Variants in GIMAP8 observed in about 807,000 individuals in gnomAD.
The protein encoded by GIMAP8 is GTPase IMAP family member 8.
GIMAP8 carries 29 observed loss-of-function variants against 35.6 expected under a neutral mutation model. The observed-to-expected ratio is 0.81, with a 90% CI of 0.61 to 1.11. GIMAP8 has a LOEUF of 1.11. Among genes scored for constraint, GIMAP8 ranks in the 50% most tolerant of loss-of-function variants. The pLI, the probability that GIMAP8 is intolerant of heterozygous loss-of-function variation, is 0.00. For synonymous variants in GIMAP8, 335 were observed against 308.7 expected, an observed-to-expected ratio of 1.09 and a Z score of -0.89; for missense variants, 811 against 805.0, an observed-to-expected ratio of 1.01 and a Z score of -0.09.
intron 2 of GIMAP8, among the ~76,000 whole-genome samples, chr7:150,468,520 A>C (rs1452035234): frequency 2.6e-5 from 4 of 152,200 alleles, no homozygotes; most frequent in Non-Finnish European, 4.4e-5. Flanking sequence ...GCATGTCCGT[A>C]CTATGGAATA....
chr7:150,463,655 T>C (rs1050405520), intron 1 of GIMAP8, among the ~76,000 whole-genome samples: 2 of 152,216 alleles, frequency 1.3e-5, no homozygotes, highest in Admixed American at 1.3e-4. Context: ...CCTGTGGTTG[T>C]TAGTGAAGGC....
chr7:150,477,353 G>A lies in GIMAP8; in HGVS notation c.1571G>A (p.Gly524Glu), dbSNP rs1167084772. ...VKRCLSCCEKGDTFFVLVFQL... is the reference protein window; with the variant it reads ...VKRCLSCCEKEDTFFVLVFQL... ...CGCTGTTTGTCCTGCTGTGAAAAAG[G>A]GGACACATTTTTTGTCCTGGTGTTC... Residue 524 changes from glycine to glutamate, a missense_variant, in exon 5 of 5, where the codon GGG becomes GAG. Physicochemically the swap from Gly to Glu is moderately conservative, Grantham distance 98. Coordinates refer to ENST00000307271, the MANE Select transcript of GIMAP8 (RefSeq NM_175571.4). The A allele has an allele frequency of 1.2e-6, 2 of 1,614,188 alleles. No individual in the cohort carries two copies. Among genetic ancestry groups the A allele is most frequent in the Admixed American group, 3.3e-5 (2 of 60,028 alleles).
At chr7:150,452,908 C>T (rs528296636) in intron 1 of GIMAP8, among the ~76,000 whole-genome samples, 62 of 150,988 alleles carry the variant, frequency 4.1e-4, no homozygotes, top group African/African-American at 1.5e-3. Context: ...TTCTAAAAAC[C>T]GTTTTTCTTC....
chr7:150,456,726 G>A (rs560275995), intron 1 of GIMAP8, among the ~76,000 whole-genome samples: 7 of 152,346 alleles, frequency 4.6e-5, no homozygotes, highest in Admixed American at 2.0e-4. Flanking sequence ...TATAGTGGGC[G>A]ATGTGTAAAA....
chr7:150,471,711 C>A (rs1563286361), intron 3 of GIMAP8, among the ~76,000 whole-genome samples: 1 of 151,996 alleles, frequency 6.6e-6, no homozygotes, highest in Non-Finnish European at 1.5e-5. Context: ...GTAGTGCGTG[C>A]CTGTCGTCTC....
chr7:150,474,358 G>A lies in GIMAP8; in HGVS notation c.1029G>A (p.Val343=), dbSNP rs758857861. 1.2e-6 allele frequency: 2 copies of A among 1,614,218 alleles called. No homozygotes were observed. The highest frequency in any genetic ancestry group is 1.7e-6 in the Non-Finnish European group (2 of 1,180,034). ...TTTACACTAAGAATGATGAGGCAGT[G>A]CTGAGCACCATCCAAAACAATTTTG... is the stretch of plus-strand genomic sequence containing the variant. ...LGFYTKNDEA[V]LSTIQNNFGE... Residue 343 remains valine, a synonymous_variant, in exon 4 of 5, where the codon GTG becomes GTA. Transcript: ENST00000307271.
intron 1 of GIMAP8, among the ~76,000 whole-genome samples, chr7:150,452,316 T>C (rs1006499619): frequency 1.1e-3 from 163 of 146,780 alleles, no homozygotes; most frequent in African/African-American, 4.3e-3. Flanking sequence ...TGTGCGTGTG[T>C]GTATGTGGGT....
In GIMAP8 at chr7:150,478,093, A is replaced by G. The variant is rs1802281669; in HGVS notation, c.*313A>G. 2.7e-6 allele frequency: 1 copy of G among 376,854 alleles called. No individual in the cohort carries two copies. Among genetic ancestry groups the G allele is most frequent in the Non-Finnish European group, 4.8e-6 (1 of 207,058 alleles). The allele number at this position is 376,854 out of a possible 1,614,324, so 23.3% of individuals were successfully genotyped here. ...CACCTCACTTGTGTAGGTAGGTTGGAATCAGGATAGACACTGTGATCAAGG... is the reference window on the plus strand; with the variant it reads ...CACCTCACTTGTGTAGGTAGGTTGGGATCAGGATAGACACTGTGATCAAGG... On this transcript the variant is annotated 3_prime_UTR_variant, in exon 5 of 5. Coordinates refer to ENST00000307271, the MANE Select transcript of GIMAP8 (RefSeq NM_175571.4).
At chr7:150,455,720 A>G (rs1176988794) in intron 1 of GIMAP8, among the ~76,000 whole-genome samples, 1 of 152,242 alleles carries the variant, frequency 6.6e-6, no homozygotes, top group Non-Finnish European at 1.5e-5. Flanking sequence ...ATTCTGATTC[A>G]GTACATCTGG....
At chr7:150,467,844 T>C (rs1390004345) in intron 2 of GIMAP8, among the ~76,000 whole-genome samples, 1 of 152,196 alleles carries the variant, frequency 6.6e-6, no homozygotes, top group Non-Finnish European at 1.5e-5. Flanking sequence ...GGTTTTCAAA[T>C]GAGTAGTAAC....
chr7:150,470,770 A>ATTT (rs1357852628), intron 2 of GIMAP8, 59 bp from the exon 3 acceptor site: 37 of 229,964 alleles, frequency 1.6e-4, no homozygotes, highest in African/African-American at 4.6e-4. Context: ...TTTTTTTTTC[A>ATTT]GTTTGTGGAA....
In GIMAP8 at chr7:150,467,028, T is replaced by C; in HGVS notation, c.330T>C (p.Asp110=). The change falls in exon 2 of 5, where the codon GAT becomes GAC. Residue 110 remains aspartate (D), a synonymous_variant. Transcript: ENST00000307271. ...VIAIGHFTRE[D]EETAKGIQQV... ...CCATCGGCCATTTCACAAGGGAGGA[T>C]GAGGAAACAGCCAAGGGCATCCAAC... 6.2e-7 allele frequency: 1 copy of C among 1,614,174 alleles called. No individual in the cohort carries two copies. Among genetic ancestry groups the C allele is most frequent in the East Asian group, 2.2e-5 (1 of 44,892 alleles).
intron 4 of GIMAP8, among the ~76,000 whole-genome samples, chr7:150,476,327 G>C (rs184417978): frequency 6.6e-6 from 1 of 152,196 alleles, no homozygotes; most frequent in Non-Finnish European, 1.5e-5. Context: ...AAGTGCAAAA[G>C]CATAAGAACG....
At position 150,474,429 on chromosome 7, in the gene GIMAP8, A is replaced by G; in HGVS notation, c.1100A>G (p.Glu367Gly). 6.2e-7 allele frequency: 1 copy of G among 1,614,024 alleles called. No homozygotes were observed. Among genetic ancestry groups the G allele is most frequent in the Non-Finnish European group, 8.5e-7 (1 of 1,179,882 alleles). ...EYMIILLTRKEDLGDQDLDTF... is the reference protein window; with the variant it reads ...EYMIILLTRKGDLGDQDLDTF... ...ATGATCATACTTCTTACCAGGAAAG[A>G]AGATTTAGGGGATCAGGATCTAGAT... The change falls in exon 4 of 5, where the codon GAA becomes GGA. Residue 367 changes from glutamate to glycine, a missense_variant. By Grantham distance (98) the Glu-to-Gly change is moderately conservative. Transcript: ENST00000307271.
At position 150,474,290 on chromosome 7, in the gene GIMAP8, T is replaced by A. The variant is rs1802170957; in HGVS notation, c.961T>A (p.Cys321Ser). The change falls in exon 4 of 5, where the codon TGT becomes AGT. Residue 321 changes from cysteine to serine, a missense_variant. Physicochemically the swap from Cys to Ser is moderately radical, Grantham distance 112 (BLOSUM62 -1). Transcript: ENST00000307271. ...NIDSEVRKHI[C>S]TGPHAFLLVT... ...TGACTCAGAAGTTAGAAAACACATC[T>A]GTACAGGCCCCCATGCCTTCCTGCT... is the stretch of plus-strand genomic sequence containing the variant. 6.2e-7 allele frequency: 1 copy of A among 1,613,956 alleles called. No individual in the cohort carries two copies. Among genetic ancestry groups the A allele is most frequent in the Non-Finnish European group, 8.5e-7 (1 of 1,179,916 alleles).
At chr7:150,471,037 A>C (rs531015935) in intron 3 of GIMAP8, among the ~76,000 whole-genome samples, 163 bp downstream of exon 3, 1 of 152,108 alleles carries the variant, frequency 6.6e-6, no homozygotes, top group Non-Finnish European at 1.5e-5. Context: ...AACTCCTAAC[A>C]CTTGTGAGTA....
intron 1 of GIMAP8, among the ~76,000 whole-genome samples, chr7:150,464,715 C>T (rs1035984268): frequency 6.6e-6 from 1 of 152,106 alleles, no homozygotes; most frequent in Non-Finnish European, 1.5e-5. Flanking sequence ...AAATTATAGG[C>T]ATATTTTAAC....
rs1338406688 is a variant in GIMAP8 at position 150,450,661 on chromosome 7, A to G, written c.-543A>G. On this transcript the variant is annotated 5_prime_UTR_variant, in exon 1 of 5. Coordinates refer to ENST00000307271, the MANE Select transcript of GIMAP8 (RefSeq NM_175571.4). This position sits in a 1 kb window ranked among gnomAD's most constrained non-coding sequence, Gnocchi z 4.4. ...GCTCAGAGCTTGTAGCGGCGCCACA[A>G]TCTCTGTCCTCTCAGGAACAGGAAC... is the stretch of plus-strand genomic sequence containing the variant. 2 of 152,150 alleles carry G rather than the reference A, an allele frequency of 1.3e-5. No individual in the cohort carries two copies. The highest frequency in any genetic ancestry group is 1.9e-4 in the East Asian group (1 of 5,200). 9.4% of individuals were successfully genotyped at this position (152,150 alleles called of 1,614,324 possible). A position where few individuals can be genotyped will look rare whatever the true frequency, so the allele number is the denominator to read the frequency against.
chr7:150,452,709 T>TATATATATATATATAC (rs1373884339), intron 1 of GIMAP8, among the ~76,000 whole-genome samples: 78 of 106,548 alleles, frequency 7.3e-4, no homozygotes, highest in East Asian at 1.6e-3. Context: ...TATATATATA[T>TATATATATATATATAC]ACATGCGAGT....
Sources: gnomAD v4.1 joint callset for allele counts (sites outside exome capture counted in the v4.1 genomes callset) on GRCh38, gnomAD v4.1.1 for gene constraint, Gnocchi (gnomAD v3.1) non-coding constraint, MANE v1.5 for transcripts, NCBI Gene and HGNC (gene_info 2026-07-23, HGNC 2026-07-21) for gene names.